The following PLCB4 variants were observed in gnomAD, a reference collection of about 807,000 sequenced individuals.
PLCB4 encodes the protein phospholipase C beta 4.
PLCB4 carries 77 observed loss-of-function variants against 178.8 expected under a neutral mutation model. That is an observed-to-expected ratio of 0.43 (90% CI 0.36 to 0.52). PLCB4 has a LOEUF of 0.52. Among genes scored for constraint, PLCB4 ranks in the 20% least tolerant of loss-of-function variants. The pLI is 0.00. For synonymous variants in PLCB4, 496 were observed against 490.8 expected, an observed-to-expected ratio of 1.01 and a Z score of -0.14; for missense variants, 1,024 against 1,453.4, an observed-to-expected ratio of 0.70 and a Z score of 4.80.
intron 38 of PLCB4, 68 bp downstream of exon 38, chr20:9,473,433 C>T: frequency 3.7e-6 from 3 of 800,642 alleles, no homozygotes; most frequent in Non-Finnish European, 6.3e-6. Flanking sequence ...ATGCCATGGC[C>T]CACAGTGACC....
At chr20:9,232,003 T>A (rs138728784) in intron 3 of PLCB4, among the ~76,000 whole-genome samples, 6 of 152,294 alleles carry the variant, frequency 3.9e-5, no homozygotes, top group Non-Finnish European at 5.9e-5. Flanking sequence ...AAACAACAAG[T>A]TGGATGAACC....
intron 2 of PLCB4, among the ~76,000 whole-genome samples, chr20:9,112,088 A>G (rs184729051): frequency 6.6e-6 from 1 of 152,276 alleles, no homozygotes; most frequent in Admixed American, 6.5e-5. Context: ...CTTTACTTTC[A>G]TTATCACAAA....
intron 2 of PLCB4, among the ~76,000 whole-genome samples, chr20:9,209,135 G>A (rs988740692): frequency 4.6e-5 from 7 of 152,108 alleles, no homozygotes; most frequent in African/African-American, 1.7e-4. Flanking sequence ...TTAGTTTAAG[G>A]TCAAGAGGAG....
chr20:9,248,552 G>C (rs554003000), intron 3 of PLCB4, among the ~76,000 whole-genome samples: 10 of 152,180 alleles, frequency 6.6e-5, no homozygotes, highest in Admixed American at 3.9e-4. Context: ...AAATAAAAAG[G>C]GCCAGCAGCC....
intron 13 of PLCB4, among the ~76,000 whole-genome samples, chr20:9,381,916 C>T (rs1347901087): frequency 6.6e-6 from 1 of 152,184 alleles, no homozygotes; most frequent in East Asian, 1.9e-4. Context: ...CACCTATATT[C>T]ACTCTGTACC....
chr20:9,227,272 T>C (rs970441520), intron 3 of PLCB4, among the ~76,000 whole-genome samples: 1 of 152,136 alleles, frequency 6.6e-6, no homozygotes, highest in Non-Finnish European at 1.5e-5. Flanking sequence ...TTCATTTTCT[T>C]GATAACATCT....
At chr20:9,097,111 C>T (rs1027865278) in intron 2 of PLCB4, among the ~76,000 whole-genome samples, 44 of 151,558 alleles carry the variant, frequency 2.9e-4, no homozygotes, top group Non-Finnish European at 2.9e-5. Context: ...ATTTTTGTAT[C>T]TCTAGTAGTG....
At chr20:9,142,196 G>T (rs1488945163) in intron 2 of PLCB4, among the ~76,000 whole-genome samples, 1 of 152,176 alleles carries the variant, frequency 6.6e-6, no homozygotes, top group African/African-American at 2.4e-5. Context: ...GCACCACAAG[G>T]GTGGTGATAG....
chr20:9,273,997 G>C (rs1182601846), intron 3 of PLCB4, among the ~76,000 whole-genome samples: 1 of 152,046 alleles, frequency 6.6e-6, no homozygotes, highest in East Asian at 1.9e-4. Context: ...CTAGAGTCAG[G>C]GGAAGACGGG....
At chr20:9,211,614 C>T (rs2147244091) in intron 2 of PLCB4, among the ~76,000 whole-genome samples, 1 of 152,288 alleles carries the variant, frequency 6.6e-6, no homozygotes, top group South Asian at 2.1e-4. Flanking sequence ...ACTTATGACT[C>T]ATCTTTTCCA....
At chr20:9,425,830 C>T (rs150624778) in intron 28 of PLCB4, among the ~76,000 whole-genome samples, 298 of 152,308 alleles carry the variant, frequency 2.0e-3, no homozygotes, top group Middle Eastern at 0.01. Context: ...AGACATTATG[C>T]GGTGTCAGGG....
At position 9,079,816 on chromosome 20, in the gene PLCB4, A is replaced by G. The variant is rs544833191; in HGVS notation, c.-135+10610A>G. Among the ~76,000 whole-genome samples the G allele has an allele frequency of 3.7e-5, 5 of 134,386 alleles. No homozygotes were observed. In the East Asian group the frequency reaches 1.1e-3, roughly 29 times the overall value. 88.2% of individuals were successfully genotyped at this position (134,386 alleles called of 152,430 possible). On this transcript the variant is annotated intron_variant, in intron 1 of 39. Transcript: ENST00000378473. ...CAGTAAAATTTGTGGTGGGCCTTAG[A>G]GTAACATTAAAAAAATTTTTTTTTT...
intron 12 of PLCB4, among the ~76,000 whole-genome samples, chr20:9,373,338 G>A (rs2036406822): frequency 6.6e-6 from 1 of 152,130 alleles, no homozygotes; most frequent in Admixed American, 6.5e-5. Flanking sequence ...GTTACATGTA[G>A]CTCTGGTTCT....
At chr20:9,207,433 G>T (rs2147221993) in intron 2 of PLCB4, among the ~76,000 whole-genome samples, 1 of 152,294 alleles carries the variant, frequency 6.6e-6, no homozygotes, top group African/African-American at 2.4e-5. Flanking sequence ...TCGTGCAAAT[G>T]AGTCATTGAA....
chr20:9,385,095 C>G (rs6056588), intron 14 of PLCB4, among the ~76,000 whole-genome samples: 80,686 of 152,006 alleles, frequency 0.53, 23,687 homozygotes, highest in African/African-American at 0.81. Flanking sequence ...AGTTGACACA[C>G]CACATGTTTC....
At chr20:9,336,601 T>G (rs2032499264) in intron 4 of PLCB4, among the ~76,000 whole-genome samples, 1 of 152,108 alleles carries the variant, frequency 6.6e-6, no homozygotes, top group Non-Finnish European at 1.5e-5. Flanking sequence ...CCAGCTGATG[T>G]TGATGCTGCT....
chr20:9,356,935 G>A (rs111735078), intron 7 of PLCB4, among the ~76,000 whole-genome samples: 67 of 152,134 alleles, frequency 4.4e-4, no homozygotes, highest in African/African-American at 1.4e-3. Flanking sequence ...GGGCAACATG[G>A]CCAGACCCCA....
intron 2 of PLCB4, among the ~76,000 whole-genome samples, chr20:9,216,319 G>A (rs987036578): frequency 7.2e-5 from 11 of 152,030 alleles, no homozygotes; most frequent in East Asian, 3.9e-4. Context: ...CCAGGTTCAC[G>A]CCATTTTCCT....
rs2032580753 is a variant in PLCB4 at position 9,337,171 on chromosome 20, T to C, written c.130T>C (p.Phe44Leu). 6 of 1,613,180 alleles carry C rather than the reference T, an allele frequency of 3.7e-6. No individual in the cohort carries two copies. The East Asian group carries it at 1.3e-4, about 36-fold the overall frequency. ...CAACTGCCTCTTCAAAGTGGATGAG[T>C]TTGGCTTCTTTCTGACATGGAGAAG... Reference protein sequence around the residue: ...EPNCLFKVDEFGFFLTWRSEG... With the variant: ...EPNCLFKVDELGFFLTWRSEG... The change falls in exon 5 of 40, where the codon TTT becomes CTT. Residue 44 changes from phenylalanine (F) to leucine (L), a missense_variant. Physicochemically the swap from Phe to Leu is conservative, Grantham distance 22. This residue lies in a region of PLCB4 where 225 missense variants were observed against 291.0 expected (regional missense o/e 0.77). Coordinates refer to ENST00000378473, the MANE Select transcript of PLCB4 (RefSeq NM_001377142.1).
Sources: allele counts gnomAD v4.1 joint callset (sites outside exome capture counted in the v4.1 genomes callset), GRCh38; gene constraint gnomAD v4.1.1; regional missense constraint gnomAD v4.1.1; transcripts MANE v1.5; gene names NCBI Gene and HGNC (gene_info 2026-07-23, HGNC 2026-07-21).